ERC1: variants seen among roughly 807,000 people sequenced by gnomAD.
ERC1 encodes ELKS/RAB6-interacting/CAST family member 1, also known as RAB6 interacting protein 2.
In ERC1, 56 loss-of-function variants were observed where a neutral mutation model predicts 132.0. The ratio of observed to expected loss-of-function variants is 0.42; its 90% CI spans 0.34 to 0.53. The LOEUF (loss-of-function observed/expected upper bound fraction) is 0.53. ERC1 is among the 20% of genes least tolerant of loss of function. ERC1 has a pLI of 0.03. For synonymous variants in ERC1, 478 were observed against 476.1 expected, an observed-to-expected ratio of 1.00 and a Z score of -0.05; for missense variants, 1,202 against 1,349.9, an observed-to-expected ratio of 0.89 and a Z score of 1.72.
intron 18 of ERC1, among the ~76,000 whole-genome samples, chr12:1,481,245 AAGG>A (rs1226206219): frequency 3.3e-5 from 5 of 151,870 alleles, no homozygotes; most frequent in Non-Finnish European, 7.3e-5. Context: ...ATTTTAGTAT[AAGG>A]AGGTTGTGAA....
intron 16 of ERC1, among the ~76,000 whole-genome samples, chr12:1,405,096 C>T (rs565992340): frequency 4.0e-5 from 6 of 151,338 alleles, no homozygotes; most frequent in South Asian, 2.1e-4. Flanking sequence ...GCTGAGATCT[C>T]GCCACTGCAT....
chr12:1,247,975 A>G (rs547297792), intron 13 of ERC1, among the ~76,000 whole-genome samples: 1 of 152,206 alleles, frequency 6.6e-6, no homozygotes, highest in Non-Finnish European at 1.5e-5. Flanking sequence ...TAGCCTGGGC[A>G]ACAACAGCAA....
At chr12:997,972 C>T (rs1438739026) in intron 1 of ERC1, among the ~76,000 whole-genome samples, 1 of 152,180 alleles carries the variant, frequency 6.6e-6, no homozygotes, top group Non-Finnish European at 1.5e-5. Context: ...TATTTTTCCA[C>T]CCTATTGGCT....
chr12:1,431,150 A>G (rs986377564), intron 17 of ERC1, among the ~76,000 whole-genome samples: 8 of 152,180 alleles, frequency 5.3e-5, no homozygotes, highest in African/African-American at 1.9e-4. Flanking sequence ...TGATGCGCTG[A>G]TGCCGACTGA....
chr12:1,312,987 C>T (rs1041151946), intron 15 of ERC1, among the ~76,000 whole-genome samples: 1 of 151,846 alleles, frequency 6.6e-6, no homozygotes, highest in Non-Finnish European at 1.5e-5. Context: ...TAATGAACAT[C>T]CAAAAGATGC....
At chr12:999,185 G>T (rs1254688820) in intron 1 of ERC1, among the ~76,000 whole-genome samples, 1 of 152,060 alleles carries the variant, frequency 6.6e-6, no homozygotes, top group East Asian at 1.9e-4. Flanking sequence ...GAGTCTTTCT[G>T]TGCTCATTTA....
chr12:1,405,126 C>T (rs1248622117), intron 16 of ERC1, among the ~76,000 whole-genome samples: 6 of 143,032 alleles, frequency 4.2e-5, no homozygotes, highest in Non-Finnish European at 9.0e-5. Context: ...GGCAAGAGAA[C>T]GAGACTCCGG....
rs541847216 is a variant in ERC1, at chr12:1,378,476, TCTC to T, written c.2925+6502_2925+6504del. Reference sequence around the variant, plus strand: ...ATGAGAAAAAAATTATACGAAAAATTCTCCTAACTAGCCAAGAAAATAGACCTG... The same window carrying T: ...ATGAGAAAAAAATTATACGAAAAATTCTAACTAGCCAAGAAAATAGACCTG... On this transcript the variant is annotated intron_variant, in intron 16 of 18. Transcript: ENST00000360905. Among the ~76,000 whole-genome samples, 3 of 152,264 alleles carry T rather than the reference TCTC, an allele frequency of 2.0e-5. 1 individual carries two copies. The South Asian group carries it at 6.2e-4, about 32-fold the overall frequency.
At chr12:1,296,226 G>A (rs1335190117) in intron 15 of ERC1, among the ~76,000 whole-genome samples, 1 of 151,906 alleles carries the variant, frequency 6.6e-6, no homozygotes, top group Non-Finnish European at 1.5e-5. Flanking sequence ...TACTTGGGAG[G>A]GTGAGGTGAG....
In ERC1 at chr12:1,093,977, A is replaced by ATTTTTC. The variant is rs67293288; in HGVS notation, c.1086+10398_1086+10399insTTTTCT. The stretch of plus-strand genomic sequence containing the variant: ...TTTTTCTATATATATATATATATAT[A>ATTTTTC]TATATATAGAAAAACATAGAAAATG... On this transcript the variant is annotated intron_variant, in intron 3 of 18. Transcript: ENST00000360905. Among the ~76,000 whole-genome samples the ATTTTTC allele has an allele frequency of 9.4e-3, 1,216 of 129,526 alleles. 33 individuals carry two copies. The highest frequency in any genetic ancestry group is 0.019 in the Middle Eastern group (5 of 260). 85.0% of individuals were successfully genotyped at this position (129,526 alleles called of 152,430 possible).
intron 15 of ERC1, among the ~76,000 whole-genome samples, chr12:1,333,521 C>T (rs558191560): frequency 1.4e-3 from 220 of 151,832 alleles, no homozygotes; most frequent in African/African-American, 5.0e-3. Context: ...TTAGTAGAGA[C>T]GGGGTTTCAC....
At chr12:1,478,455 TCTC>T (rs1006252605) in intron 18 of ERC1, among the ~76,000 whole-genome samples, 13 of 152,196 alleles carry the variant, frequency 8.5e-5, no homozygotes, top group African/African-American at 2.9e-4. Context: ...ATATGTATCT[TCTC>T]CTGTGGACTG....
chr12:1,183,858 A>T (rs1234580604), intron 11 of ERC1, among the ~76,000 whole-genome samples: 1 of 152,084 alleles, frequency 6.6e-6, no homozygotes, highest in African/African-American at 2.4e-5. Flanking sequence ...TAAAAAAAGA[A>T]AAAACGGTGG....
chr12:1,259,216 T>C (rs965325504), intron 13 of ERC1, among the ~76,000 whole-genome samples: 3 of 152,168 alleles, frequency 2.0e-5, no homozygotes, highest in African/African-American at 7.2e-5. Flanking sequence ...CTTTCATCTC[T>C]TTTGGTTGTT....
intron 8 of ERC1, among the ~76,000 whole-genome samples, chr12:1,146,199 A>G (rs1037510893): frequency 2.0e-5 from 3 of 151,558 alleles, no homozygotes; most frequent in Non-Finnish European, 2.9e-5. Context: ...CTACCCATCC[A>G]TGAGCATGGG....
chr12:994,356 G>A (rs1167376458), intron 1 of ERC1, among the ~76,000 whole-genome samples: 1 of 152,074 alleles, frequency 6.6e-6, no homozygotes, highest in East Asian at 1.9e-4. Context: ...TGTGTGGAAT[G>A]TAATTGAAAT....
rs145919025 is a variant in ERC1, at chr12:1,173,759, TGTG to T, written c.1738-6778_1738-6776del. Among the ~76,000 whole-genome samples, 155 of 151,404 alleles carry T rather than the reference TGTG, an allele frequency of 1.0e-3. 1 individual carries two copies. In the East Asian group the frequency reaches 0.022, roughly 21 times the overall value. Reference sequence around the variant, plus strand: ...AAGAAGAGAATAATGACAAGAATAATGTGGTAACATTCATTCTTCAGCTGGTCA... The same window carrying T: ...AAGAAGAGAATAATGACAAGAATAATGTAACATTCATTCTTCAGCTGGTCA... On this transcript the variant is annotated intron_variant, in intron 8 of 18. Transcript: ENST00000360905.
intron 7 of ERC1, among the ~76,000 whole-genome samples, chr12:1,119,511 TTGTGTGTGTG>T (rs1180385226): frequency 2.9e-5 from 4 of 138,844 alleles, no homozygotes; most frequent in Admixed American, 1.6e-4. Context: ...TACTTCTTCT[TTGTGTGTGTG>T]TGTGTGTGTG....
At position 1,072,724 on chromosome 12, in the gene ERC1, G is replaced by A. The variant is rs994115351; in HGVS notation, c.670-10440G>A. ...ACTTTTATTTTTGAGACAGAGTCTC[G>A]CACTGTCACCCTGGCTGGAGTGCAG... On this transcript the variant is annotated intron_variant, in intron 2 of 18. Coordinates refer to ENST00000360905, the MANE Select transcript of ERC1 (RefSeq NM_178040.4). Among the ~76,000 whole-genome samples, 7 of 152,008 alleles carry A rather than the reference G, an allele frequency of 4.6e-5. 1 individual carries two copies. The South Asian group carries it at 6.2e-4, about 14-fold the overall frequency.
Sources: gnomAD v4.1 joint callset for allele counts (sites outside exome capture counted in the v4.1 genomes callset) on GRCh38, gnomAD v4.1.1 for gene constraint, MANE v1.5 for transcripts, NCBI Gene and HGNC (gene_info 2026-07-23, HGNC 2026-07-21) for gene names.